Variants in CNTN5 observed in about 807,000 individuals in gnomAD.
CNTN5 encodes the protein contactin-5.
A neutral mutation model predicts 129.1 loss-of-function variants in CNTN5; 77 were observed. That is an observed-to-expected ratio of 0.60 (90% CI 0.50 to 0.72). CNTN5 has a LOEUF of 0.72. Ranked by LOEUF, CNTN5 falls within the 30% of genes least tolerant of loss-of-function variation. CNTN5 has a pLI of 0.00. For missense variants in CNTN5, 1,478 were observed against 1,328.8 expected, an observed-to-expected ratio of 1.11 and a Z score of -1.75; for synonymous variants, 509 against 465.6, an observed-to-expected ratio of 1.09 and a Z score of -1.20.
intron 8 of CNTN5, among the ~76,000 whole-genome samples, chr11:99,996,686 G>C (rs1939467436): frequency 6.6e-6 from 1 of 152,118 alleles, no homozygotes; most frequent in Admixed American, 6.5e-5. Context: ...AACTTATAAA[G>C]AAAACAGACT....
chr11:100,228,998 A>G (rs1949436349), intron 16 of CNTN5, among the ~76,000 whole-genome samples: 1 of 152,150 alleles, frequency 6.6e-6, no homozygotes, highest in Non-Finnish European at 1.5e-5. Context: ...ATCTAAGCAC[A>G]GGGCCCCGAA....
intron 9 of CNTN5, among the ~76,000 whole-genome samples, chr11:100,017,702 T>C (rs1462823798): frequency 6.6e-6 from 1 of 152,036 alleles, no homozygotes; most frequent in Non-Finnish European, 1.5e-5. Flanking sequence ...TGACTACATA[T>C]TTTCATTTTA....
At chr11:99,655,539 A>G (rs991721659) in intron 3 of CNTN5, among the ~76,000 whole-genome samples, 2 of 152,126 alleles carry the variant, frequency 1.3e-5, no homozygotes, top group Non-Finnish European at 2.9e-5. Context: ...GTCTTTTCAT[A>G]AAGGTCAGAA....
chr11:100,244,569 T>C (rs1949806076), intron 16 of CNTN5, among the ~76,000 whole-genome samples: 1 of 152,180 alleles, frequency 6.6e-6, no homozygotes, highest in Non-Finnish European at 1.5e-5. Flanking sequence ...AAAATGAAGG[T>C]AGCAGTGGGG....
At chr11:100,117,849 T>C (rs1400178723) in intron 13 of CNTN5, among the ~76,000 whole-genome samples, 1 of 151,826 alleles carries the variant, frequency 6.6e-6, no homozygotes, top group Non-Finnish European at 1.5e-5. Context: ...AATAAGTCAA[T>C]TGAATACCGT....
At chr11:99,965,930 A>G (rs1052911260) in intron 8 of CNTN5, among the ~76,000 whole-genome samples, 1 of 152,194 alleles carries the variant, frequency 6.6e-6, no homozygotes, top group East Asian at 1.9e-4. Flanking sequence ...TAGATGGCAC[A>G]TATTAAACAC....
chr11:99,641,305 A>G (rs552687968), intron 3 of CNTN5, among the ~76,000 whole-genome samples: 1 of 152,328 alleles, frequency 6.6e-6, no homozygotes, highest in East Asian at 1.9e-4. Context: ...AACTACCTGA[A>G]CAGTGAGGAT....
At chr11:100,204,010 C>T (rs971232372) in intron 15 of CNTN5, among the ~76,000 whole-genome samples, 6 of 151,626 alleles carry the variant, frequency 4.0e-5, no homozygotes, top group African/African-American at 1.5e-4. Context: ...CAGCATTTGC[C>T]TCCAGGCAAC....
At chr11:100,167,288 C>T (rs1456687483) in intron 13 of CNTN5, among the ~76,000 whole-genome samples, 3 of 151,566 alleles carry the variant, frequency 2.0e-5, no homozygotes, top group Admixed American at 6.6e-5. Flanking sequence ...TGTAAGAGAC[C>T]GTAGCTTCTG....
chr11:99,600,586 A>C (rs2135702955), intron 3 of CNTN5, among the ~76,000 whole-genome samples: 1 of 152,198 alleles, frequency 6.6e-6, no homozygotes, highest in East Asian at 1.9e-4. Flanking sequence ...CCCTAGGATA[A>C]GTGTTGGACT....
intron 3 of CNTN5, among the ~76,000 whole-genome samples, chr11:99,770,345 A>C (rs1331262273): frequency 1.3e-5 from 2 of 152,128 alleles, no homozygotes; most frequent in Non-Finnish European, 2.9e-5. Context: ...ACTTGTTAAC[A>C]CATCCTCATA....
rs1319553922 is a variant in CNTN5, at chr11:99,808,685, A to G, written c.56-10859A>G. On this transcript the variant is annotated intron_variant, in intron 3 of 24. Coordinates refer to ENST00000524871, the MANE Select transcript of CNTN5 (RefSeq NM_014361.4). ...CGTGCTGGGTAGCAAAATAAAAACC[A>G]TAAACATATTTCCAATATCCATATT... Among the ~76,000 whole-genome samples, 5 of 152,220 alleles carry G rather than the reference A, an allele frequency of 3.3e-5. No individual in the cohort carries two copies. In the East Asian group the frequency reaches 5.8e-4, roughly 18 times the overall value.
chr11:99,082,764 T>C (rs1591162343), intron 1 of CNTN5, among the ~76,000 whole-genome samples: 1 of 152,166 alleles, frequency 6.6e-6, no homozygotes, highest in African/African-American at 2.4e-5. Context: ...TACATAAATA[T>C]AGGGTAGATA....
chr11:99,487,651 C>T (rs1453937738), intron 2 of CNTN5, among the ~76,000 whole-genome samples: 2 of 152,210 alleles, frequency 1.3e-5, no homozygotes, highest in Non-Finnish European at 2.9e-5. Context: ...TTCTAGCAGA[C>T]ATCACTTGGA....
chr11:99,666,992 A>G (rs1342516216), intron 3 of CNTN5, among the ~76,000 whole-genome samples: 1 of 152,020 alleles, frequency 6.6e-6, no homozygotes, highest in Non-Finnish European at 1.5e-5. Flanking sequence ...TTCTAATAAT[A>G]GAATTATAAT....
At chr11:99,867,127 ACT>A (rs1036401327) in intron 6 of CNTN5, among the ~76,000 whole-genome samples, 1 of 152,208 alleles carries the variant, frequency 6.6e-6, no homozygotes, top group Non-Finnish European at 1.5e-5. Flanking sequence ...TGTCCTTTCA[ACT>A]AATGCTCTTG....
intron 1 of CNTN5, among the ~76,000 whole-genome samples, chr11:99,040,832 C>T (rs1211740868): frequency 1.3e-5 from 2 of 152,124 alleles, no homozygotes; most frequent in South Asian, 2.1e-4. Context: ...CTACCTTTTA[C>T]GGTGAAAGAA....
intron 2 of CNTN5, among the ~76,000 whole-genome samples, chr11:99,423,714 A>G (rs1942995702): frequency 1.3e-5 from 2 of 152,218 alleles, no homozygotes; most frequent in South Asian, 4.1e-4. Flanking sequence ...ATGACTGTGA[A>G]GTGAGATCTG....
chr11:99,411,764 T>C (rs75803675), intron 2 of CNTN5, among the ~76,000 whole-genome samples: 4,592 of 152,268 alleles, frequency 0.03, 219 homozygotes, highest in African/African-American at 0.1. Context: ...TTTTAAGCCA[T>C]GCACTATTTG....
Sources: allele counts gnomAD v4.1 joint callset (sites outside exome capture counted in the v4.1 genomes callset), GRCh38; gene constraint gnomAD v4.1.1; transcripts MANE v1.5; gene names NCBI Gene and HGNC (gene_info 2026-07-23, HGNC 2026-07-21).